Variants in COG3 observed in about 807,000 individuals in gnomAD.
COG3 encodes the protein component of oligomeric golgi complex 3.
A neutral mutation model predicts 114.1 loss-of-function variants in COG3; 32 were observed. The ratio of observed to expected loss-of-function variants is 0.28; its 90% CI spans 0.21 to 0.38. COG3 has a LOEUF of 0.38. COG3 is among the 10% of genes least tolerant of loss of function. COG3 has a pLI of 1.00. For synonymous variants in COG3, 352 were observed against 365.7 expected (o/e 0.96, Z 0.43); for missense variants, 813 against 973.2 (o/e 0.84, Z 2.19).
chr13:45,531,641 A>G (rs559541174), intron 22 of COG3, among the ~76,000 whole-genome samples: 8 of 151,986 alleles, frequency 5.3e-5, no homozygotes, highest in East Asian at 1.9e-4. Context: ...CTAAATAGCT[A>G]GGACTACAGG....
intron 7 of COG3, among the ~76,000 whole-genome samples, chr13:45,484,612 ATTTTTTT>A (rs1886458707): frequency 8.4e-5 from 12 of 142,864 alleles, no homozygotes; most frequent in African/African-American, 3.0e-4. Flanking sequence ...TTATTTATTT[ATTTTTTT>A]ATTGATAATT....
rs767026599 is a variant in COG3, at chr13:45,476,238, C to T, written c.212C>T (p.Ser71Leu). The T allele has an allele frequency of 1.9e-6, 3 of 1,613,800 alleles. No homozygotes were observed. The highest frequency in any genetic ancestry group is 1.7e-5 in the Admixed American group (1 of 60,010). Residue 71 changes from serine to leucine, a missense_variant, in exon 2 of 23, where the codon TCA (serine) becomes TTA (leucine). By Grantham distance (145) the Ser-to-Leu change is moderately radical (BLOSUM62 -2). Coordinates refer to ENST00000349995, the MANE Select transcript of COG3 (RefSeq NM_031431.4). ...GACTTGTGCAGTTTAACATCCCAGT[C>T]ACTGCCCATTGAACTGACTTCAGTA... ...IEDLCSLTSQSLPIELTSVVP... is the reference protein window; with the variant it reads ...IEDLCSLTSQLLPIELTSVVP...
chr13:45,515,403 A>G (rs938376321), intron 16 of COG3, among the ~76,000 whole-genome samples: 1 of 152,232 alleles, frequency 6.6e-6, no homozygotes, highest in Non-Finnish European at 1.5e-5. Context: ...TATTTTCAAA[A>G]TAAGATTCTG....
At chr13:45,508,770 A>G (rs1394474847) in intron 14 of COG3, among the ~76,000 whole-genome samples, 1 of 152,048 alleles carries the variant, frequency 6.6e-6, no homozygotes, top group East Asian at 1.9e-4. Flanking sequence ...TCTTTGCTCA[A>G]CCATACTCCC....
chr13:45,535,821 C>T lies in COG3; in HGVS notation c.*1090C>T. The T allele has an allele frequency of 2.0e-6, 2 of 987,582 alleles. No individual in the cohort carries two copies. Among genetic ancestry groups the T allele is most frequent in the Non-Finnish European group, 2.4e-6 (2 of 830,114 alleles). The allele number at this position is 987,582 out of a possible 1,614,324, so 61.2% of individuals were successfully genotyped here. On this transcript the variant is annotated 3_prime_UTR_variant, in exon 23 of 23. Transcript: ENST00000349995. ...ATATCTATGAATTTTCCAACAAATT[C>T]CTACTTCCTGATTGGATTGGTTTTG...
intron 6 of COG3, 28 bp downstream of exon 6, chr13:45,482,501 A>G (rs748581812): frequency 1.8e-6 from 2 of 1,108,818 alleles, no homozygotes; most frequent in Non-Finnish European, 2.7e-6. Flanking sequence ...TGCATGTTTT[A>G]AAGAAATCCT....
intron 1 of COG3, among the ~76,000 whole-genome samples, chr13:45,467,111 A>C (rs566856040): frequency 1.3e-5 from 2 of 152,366 alleles, no homozygotes; most frequent in African/African-American, 2.4e-5. Flanking sequence ...TTTCCAAGGA[A>C]GTGACAGCCT....
chr13:45,519,181 C>G, intron 19 of COG3, 87 bp downstream of exon 19: 2 of 1,434,172 alleles, frequency 1.4e-6, no homozygotes, highest in Non-Finnish European at 1.9e-6. Flanking sequence ...TAAACTCTGG[C>G]AGAAGGAGAT....
At chr13:45,503,153 A>AATAT in intron 13 of COG3, 91 bp from the exon 14 acceptor site, 1 of 499,136 alleles carries the variant, frequency 2.0e-6, no homozygotes, top group Non-Finnish European at 3.6e-6. Flanking sequence ...TCAAGTTGAA[A>AATAT]ATATATATAT....
chr13:45,472,738 C>T (rs532064864), intron 1 of COG3, among the ~76,000 whole-genome samples: 1 of 152,226 alleles, frequency 6.6e-6, no homozygotes, highest in Non-Finnish European at 1.5e-5. Flanking sequence ...TCTGTTTATA[C>T]TTCTTATCTG....
In COG3 at chr13:45,465,206, C is replaced by T. The variant is rs144983754; in HGVS notation, c.170C>T (p.Ala57Val). The T allele has an allele frequency of 3.1e-6, 5 of 1,613,396 alleles. No homozygotes were observed. Among genetic ancestry groups the T allele is most frequent in the Non-Finnish European group, 4.2e-6 (5 of 1,179,790 alleles). Residue 57 changes from alanine to valine, a missense_variant, in exon 1 of 23, where the codon GCT becomes GTT. Ala to Val is a moderately conservative substitution (Grantham distance 64). Around this residue, in one of 2 missense-constraint regions of COG3, gnomAD observed 424 missense variants for 430.6 expected, o/e 0.98. Transcript: ENST00000349995. The stretch of plus-strand genomic sequence containing the variant: ...GCGGCAGAGAACTTGCCGGTGCCAG[C>T]TGAGGTGAGGTGATGGGCAGGAACC... Reference protein sequence around the residue: ...KAAAENLPVPAELPIEDLCSL... With the variant: ...KAAAENLPVPVELPIEDLCSL...
intron 1 of COG3, among the ~76,000 whole-genome samples, chr13:45,469,856 AGATT>A (rs1288458345): frequency 6.6e-6 from 1 of 152,204 alleles, no homozygotes; most frequent in Non-Finnish European, 1.5e-5. Flanking sequence ...TTTTCATAAA[AGATT>A]GATCAAAAAT....
At chr13:45,508,109 G>GCA (rs1279827424) in intron 14 of COG3, among the ~76,000 whole-genome samples, 1 of 79,330 alleles carries the variant, frequency 1.3e-5, no homozygotes, top group African/African-American at 4.8e-5. Flanking sequence ...AGGAAAGAAA[G>GCA]CACTAAGCTT....
intron 19 of COG3, among the ~76,000 whole-genome samples, chr13:45,520,739 G>T (rs971900877): frequency 6.6e-6 from 1 of 152,172 alleles, no homozygotes; most frequent in Non-Finnish European, 1.5e-5. Flanking sequence ...AAAAAGGAGG[G>T]GGATAGAAAT....
chr13:45,496,132 T>C lies in COG3; in HGVS notation c.1328-20T>C. On this transcript the variant is annotated intron_variant, in intron 12 of 22. Coordinates refer to ENST00000349995, the MANE Select transcript of COG3 (RefSeq NM_031431.4). Reference sequence around the variant, plus strand: ...GTTTTTCTAAATCTAAAAGAATGGATGATTGCACTTTTTTATCAGCTGAGC... The same window carrying C: ...GTTTTTCTAAATCTAAAAGAATGGACGATTGCACTTTTTTATCAGCTGAGC... The C allele has an allele frequency of 6.3e-7, 1 of 1,595,954 alleles. No homozygotes were observed. The highest frequency in any genetic ancestry group is 1.1e-5 in the South Asian group (1 of 88,826).
At chr13:45,492,630 CCTTTT>C (rs1198215305) in intron 11 of COG3, among the ~76,000 whole-genome samples, 1 of 152,110 alleles carries the variant, frequency 6.6e-6, no homozygotes, top group African/African-American at 2.4e-5. Context: ...TATTTAATAA[CCTTTT>C]CTTTATTTTT....
intron 14 of COG3, among the ~76,000 whole-genome samples, chr13:45,505,525 G>T (rs1235127189): frequency 6.6e-6 from 1 of 151,952 alleles, no homozygotes; most frequent in African/African-American, 2.4e-5. Flanking sequence ...GGCTGGTCTC[G>T]AACTCCTGAC....
At chr13:45,491,110 T>G in intron 9 of COG3, 152 bp downstream of exon 9, 1 of 622,890 alleles carries the variant, frequency 1.6e-6, no homozygotes, top group Non-Finnish European at 2.8e-6. Context: ...GTCACAGACT[T>G]AGCCAGTTTA....
At chr13:45,527,764 T>C (rs1052059534) in intron 20 of COG3, among the ~76,000 whole-genome samples, 2 of 152,184 alleles carry the variant, frequency 1.3e-5, no homozygotes, top group Admixed American at 6.5e-5. Context: ...TGAAGACCGA[T>C]TTAGTGATCC....
Sources: allele counts gnomAD v4.1 joint callset (sites outside exome capture counted in the v4.1 genomes callset), GRCh38; gene constraint gnomAD v4.1.1; regional missense constraint gnomAD v4.1.1; transcripts MANE v1.5; gene names NCBI Gene and HGNC (gene_info 2026-07-23, HGNC 2026-07-21).